The following CSRNP2 variants were observed in gnomAD, a reference collection of about 807,000 sequenced individuals.
The protein encoded by CSRNP2 is cysteine/serine-rich nuclear protein 2.
In CSRNP2, 11 loss-of-function variants were observed where a neutral mutation model predicts 36.6. The ratio of observed to expected loss-of-function variants is 0.30; its 90% CI spans 0.19 to 0.50. The LOEUF is 0.50. Among genes scored for constraint, CSRNP2 ranks in the 20% least tolerant of loss-of-function variants. CSRNP2 has a pLI of 0.98. For missense variants in CSRNP2, 483 were observed against 691.4 expected, an observed-to-expected ratio of 0.70 and a Z score of 3.38; for synonymous variants, 248 against 275.3, an observed-to-expected ratio of 0.90 and a Z score of 0.98.
intron 1 of CSRNP2, chr12:51,081,432 C>G (rs536846130): frequency 1.3e-5 from 2 of 152,340 alleles, no homozygotes; most frequent in East Asian, 3.9e-4. Flanking sequence ...TCCTACCTCT[C>G]TCAATTATTC....
In CSRNP2 at chr12:51,067,761, C is replaced by T. The variant is rs1938551365; in HGVS notation, c.620G>A (p.Arg207His). The T allele has an allele frequency of 1.9e-6, 3 of 1,614,076 alleles. No homozygotes were observed. The highest frequency in any genetic ancestry group is 3.3e-5 in the Admixed American group (2 of 59,992). ...AEEKQELRAI[R>H]LSREECGCDC... Reference sequence around the variant, plus strand: ...ACAACCACATTCTTCCCGTGACAGGCGGATGGCTCGAAGTTCTTGCTTCTC... The same window carrying T: ...ACAACCACATTCTTCCCGTGACAGGTGGATGGCTCGAAGTTCTTGCTTCTC... Residue 207 changes from arginine (R) to histidine (H), a missense_variant, in exon 4 of 5, where the codon CGC becomes CAC. Transcript: ENST00000228515. The surrounding 1 kb of genome is among the most constrained non-coding windows in gnomAD (Gnocchi z 4.1).
rs2136822915 is a variant in CSRNP2, at chr12:51,063,168, TAA to T, written c.*576_*577del. 1 of 152,158 alleles carries T rather than the reference TAA, an allele frequency of 6.6e-6. No individual in the cohort carries two copies. The highest frequency in any genetic ancestry group is 2.4e-5 in the African/African-American group (1 of 41,508). The allele number at this position is 152,158 out of a possible 1,614,324, so 9.4% of individuals were successfully genotyped here. ...AGAGAACACCAAACATGTCAAATAT[TAA>T]CTTATTTACCAAATATGGGATTGAA... On this transcript the variant is annotated 3_prime_UTR_variant, in exon 5 of 5. Transcript: ENST00000228515.
At chr12:51,082,365 T>A (rs886126406) in intron 1 of CSRNP2, among the ~76,000 whole-genome samples, 3 of 152,172 alleles carry the variant, frequency 2.0e-5, no homozygotes, top group Admixed American at 6.5e-5. Flanking sequence ...ACTACCATCG[T>A]GTGGAAGACA....
At chr12:51,082,489 A>G (rs1168412790) in intron 1 of CSRNP2, 1 of 152,224 alleles carries the variant, frequency 6.6e-6, no homozygotes, top group Non-Finnish European at 1.5e-5. Flanking sequence ...ACAGAAAGCC[A>G]GTGAAGAAAA....
chr12:51,072,350 G>A (rs1322520826), intron 3 of CSRNP2, among the ~76,000 whole-genome samples: 21 of 151,812 alleles, frequency 1.4e-4, no homozygotes, highest in Middle Eastern at 3.2e-3. Flanking sequence ...ACGAGGTCAG[G>A]AGACCGAACC....
chr12:51,079,943 A>G (rs896826353), intron 1 of CSRNP2, among the ~76,000 whole-genome samples: 7 of 146,044 alleles, frequency 4.8e-5, no homozygotes, highest in Non-Finnish European at 1.1e-4. Context: ...TGTGGTGGCG[A>G]GTGCCTGTAA....
rs182100494 is a variant in CSRNP2, at chr12:51,068,855, T to C, written c.412-886A>G. Among the ~76,000 whole-genome samples the C allele has an allele frequency of 1.6e-4, 25 of 152,252 alleles. No homozygotes were observed. In the East Asian group the frequency reaches 4.2e-3, roughly 26 times the overall value. ...AATCAATGAACCCAAATCCCCACAG[T>C]GTGAACAATTATCTGTGCATGCACT... On this transcript the variant is annotated intron_variant, in intron 3 of 4. Coordinates refer to ENST00000228515, the MANE Select transcript of CSRNP2 (RefSeq NM_030809.3).
intron 3 of CSRNP2, among the ~76,000 whole-genome samples, chr12:51,072,415 T>C (rs1592762150): frequency 6.8e-6 from 1 of 148,016 alleles, no homozygotes; most frequent in African/African-American, 2.5e-5. Context: ...AAAAAAAAAA[T>C]AGCCGGGTGT....
rs1295399710 is a variant in CSRNP2, at chr12:51,083,443, C to T, written c.-191G>A. 3 of 152,454 alleles carry T rather than the reference C, an allele frequency of 2.0e-5. No individual in the cohort carries two copies. Among genetic ancestry groups the T allele is most frequent in the African/African-American group, 7.2e-5 (3 of 41,588 alleles). 9.4% of individuals were successfully genotyped at this position (152,454 alleles called of 1,614,324 possible). A position where few individuals can be genotyped will look rare whatever the true frequency, so the allele number is the denominator to read the frequency against. On this transcript the variant is annotated 5_prime_UTR_variant, in exon 1 of 5. Transcript: ENST00000228515. ...AGGGAGGAGCGAGCGAGTCCCGGGC[C>T]CCGCGGCGACGGCCGGGGAGCTCCC...
At chr12:51,068,803 A>T (rs1261776761) in intron 3 of CSRNP2, among the ~76,000 whole-genome samples, 1 of 152,224 alleles carries the variant, frequency 6.6e-6, no homozygotes, top group East Asian at 1.9e-4. Context: ...GGGCAAATTA[A>T]AGTGTAGTAA....
At position 51,064,233 on chromosome 12, in the gene CSRNP2, T is replaced by C. The variant is rs372812295; in HGVS notation, c.1145A>G (p.Gln382Arg). The change falls in exon 5 of 5, where the codon CAG (glutamine) becomes CGG (arginine). Residue 382 changes from glutamine (Q) to arginine (R), a missense_variant. By Grantham distance (43) the Gln-to-Arg change is conservative. Coordinates refer to ENST00000228515, the MANE Select transcript of CSRNP2 (RefSeq NM_030809.3). ...CPGLTAPILI[Q>R]AQLPPGSSVL... ...AGAGGAGCCTGGGGGCAGCTGAGCC[T>C]GGATGAGAATGGGGGCTGTAAGGCC... is the stretch of plus-strand genomic sequence containing the variant. 80 of 1,613,396 alleles carry C rather than the reference T, an allele frequency of 5.0e-5. No individual in the cohort carries two copies. Among genetic ancestry groups the C allele is most frequent in the Admixed American group, 8.4e-5 (5 of 59,834 alleles).
rs1261179943 is a variant in CSRNP2 at position 51,064,408 on chromosome 12, C to A, written c.970G>T (p.Val324Leu). 10 of 1,613,792 alleles carry A rather than the reference C, an allele frequency of 6.2e-6. No homozygotes were observed. Among genetic ancestry groups the A allele is most frequent in the Non-Finnish European group, 8.5e-6 (10 of 1,179,800 alleles). Residue 324 changes from valine (V) to leucine (L), a missense_variant, in exon 5 of 5, where the codon GTG becomes TTG. Physicochemically the swap from Val to Leu is conservative, Grantham distance 32. Transcript: ENST00000228515. ...QEFIAENETA[V>L]MHLQSAEELE... The stretch of plus-strand genomic sequence containing the variant: ...TCCTCTGCACTCTGCAGGTGCATCA[C>A]TGCTGTCTCATTCTCAGCAATGAAC...
chr12:51,066,652 A>AAG (rs1186884760), intron 4 of CSRNP2, among the ~76,000 whole-genome samples: 1 of 150,732 alleles, frequency 6.6e-6, no homozygotes. Flanking sequence ...AAAAAAAAAA[A>AAG]GGGCAGCCAA....
chr12:51,069,287 CTTTTTTTT>C (rs71089740), intron 3 of CSRNP2, among the ~76,000 whole-genome samples: 4 of 121,326 alleles, frequency 3.3e-5, no homozygotes, highest in African/African-American at 6.3e-5. Context: ...CTTCTCCTTT[CTTTTTTTT>C]TTTTTTTTTT....
Position 51,062,104 on chromosome 12 carries a change from T to C in CSRNP2, c.*1642A>G, listed in dbSNP as rs561947160. The C allele has an allele frequency of 2.4e-4, 36 of 152,326 alleles. No individual in the cohort carries two copies. The highest frequency in any genetic ancestry group is 7.2e-4 in the African/African-American group (30 of 41,578). 9.4% of individuals were successfully genotyped at this position (152,326 alleles called of 1,614,324 possible). ...AGGCAGAATGAACTAAAAAATGTTA[T>C]GTGTATTAAATACAAATCTTTTCAG... On this transcript the variant is annotated 3_prime_UTR_variant, in exon 5 of 5. Transcript: ENST00000228515.
chr12:51,067,711 C>T lies in CSRNP2; in HGVS notation c.670G>A (p.Glu224Lys), dbSNP rs1938548740. The T allele has an allele frequency of 6.2e-7, 1 of 1,614,054 alleles. No individual in the cohort carries two copies. The highest frequency in any genetic ancestry group is 1.3e-5 in the African/African-American group (1 of 74,914). Reference protein sequence around the residue: ...GCDCRLYCDPEACACSQAGIK... With the variant: ...GCDCRLYCDPKACACSQAGIK... The stretch of plus-strand genomic sequence containing the variant: ...CCAGCCTGGCTGCAGGCACACGCTT[C>T]TGGGTCACAATACAGTCGGCAGTCA... The change falls in exon 4 of 5, where the codon GAA becomes AAA. Residue 224 changes from glutamate (E) to lysine (K), a missense_variant. By Grantham distance (56) the Glu-to-Lys change is moderately conservative. Coordinates refer to ENST00000228515, the MANE Select transcript of CSRNP2 (RefSeq NM_030809.3). This position sits in a 1 kb window ranked among gnomAD's most constrained non-coding sequence, Gnocchi z 4.1.
chr12:51,076,432 G>A lies in CSRNP2; in HGVS notation c.130C>T (p.Pro44Ser), dbSNP rs765296308. Residue 44 changes from proline (P) to serine (S), a missense_variant, in exon 2 of 5, where the codon CCT becomes TCT. Pro to Ser is a moderately conservative substitution (Grantham distance 74). Around this residue, in one of 2 missense-constraint regions of CSRNP2, gnomAD observed 206 missense variants for 367.8 expected, o/e 0.56. Transcript: ENST00000228515. Reference protein sequence around the residue: ...SADSCDSLNPPTTASFTPTSI... With the variant: ...SADSCDSLNPSTTASFTPTSI... ...TCACGTGTGAAGCTGGCAGTGGTAGGAGGATTGAGGCTGTCGCAGCTGTCA... is the reference window on the plus strand; with the variant it reads ...TCACGTGTGAAGCTGGCAGTGGTAGAAGGATTGAGGCTGTCGCAGCTGTCA... 4 of 1,614,116 alleles carry A rather than the reference G, an allele frequency of 2.5e-6. No individual in the cohort carries two copies.
Position 51,064,218 on chromosome 12 carries a change from G to A in CSRNP2, c.1160C>T (p.Pro387Leu). 6.2e-7 allele frequency: 1 copy of A among 1,613,828 alleles called. No homozygotes were observed. The highest frequency in any genetic ancestry group is 8.5e-7 in the Non-Finnish European group (1 of 1,179,916). The change falls in exon 5 of 5, where the codon CCA becomes CTA. Residue 387 changes from proline to leucine, a missense_variant. Coordinates refer to ENST00000228515, the MANE Select transcript of CSRNP2 (RefSeq NM_030809.3). ...GGTAAAACACAGGACAGAGGAGCCT[G>A]GGGGCAGCTGAGCCTGGATGAGAAT... ...APILIQAQLP[P>L]GSSVLCFTEN...
At chr12:51,069,529 C>A (rs899722456) in intron 3 of CSRNP2, among the ~76,000 whole-genome samples, 1 of 150,080 alleles carries the variant, frequency 6.7e-6, no homozygotes, top group East Asian at 1.9e-4. Context: ...TCAACTGATA[C>A]ACCCAACTCC....
Sources: allele counts gnomAD v4.1 joint callset (sites outside exome capture counted in the v4.1 genomes callset), GRCh38; gene constraint gnomAD v4.1.1; regional missense constraint gnomAD v4.1.1; non-coding constraint Gnocchi (gnomAD v3.1); transcripts MANE v1.5; gene names NCBI Gene and HGNC (gene_info 2026-07-23, HGNC 2026-07-21).